BRWD1: variants seen among roughly 807,000 people sequenced by gnomAD.
BRWD1 encodes the protein bromodomain and WD repeat domain containing 1.
In BRWD1, 82 loss-of-function variants were observed where a neutral mutation model predicts 251.2. That is an observed-to-expected ratio of 0.33 (90% CI 0.27 to 0.39). BRWD1 has a LOEUF of 0.39. Ranked by LOEUF, BRWD1 falls within the 10% of genes least tolerant of loss-of-function variation. The pLI, the probability that BRWD1 is intolerant of heterozygous loss-of-function variation, is 1.00. For synonymous variants in BRWD1, 918 were observed against 902.8 expected (o/e 1.02, Z -0.30); for missense variants, 2,233 against 2,711.6 (o/e 0.82, Z 3.92).
chr21:39,305,213 C>G (rs542778127), intron 4 of BRWD1, among the ~76,000 whole-genome samples: 2 of 152,036 alleles, frequency 1.3e-5, no homozygotes, highest in Admixed American at 1.3e-4. Flanking sequence ...CCCGCCTTGG[C>G]CCCCTAAAGT....
chr21:39,276,546 T>TAGC (rs2035287298), intron 11 of BRWD1, among the ~76,000 whole-genome samples: 1 of 152,182 alleles, frequency 6.6e-6, no homozygotes, highest in Non-Finnish European at 1.5e-5. Context: ...AATATAGGCT[T>TAGC]TAAAGTAGCT....
At chr21:39,214,725 TA>T (rs1568874477) in intron 32 of BRWD1, among the ~76,000 whole-genome samples, 1 of 152,110 alleles carries the variant, frequency 6.6e-6, no homozygotes, top group Non-Finnish European at 1.5e-5. Context: ...TTCTGGAGTA[TA>T]AAATTATTTC....
At chr21:39,252,532 G>T (rs934626794) in intron 19 of BRWD1, among the ~76,000 whole-genome samples, 1 of 152,032 alleles carries the variant, frequency 6.6e-6, no homozygotes, top group African/African-American at 2.4e-5. Context: ...ATTCACCCTT[G>T]TTTCCACTAT....
intron 22 of BRWD1, among the ~76,000 whole-genome samples, chr21:39,237,505 T>G (rs565297119): frequency 4.3e-4 from 66 of 152,270 alleles, no homozygotes; most frequent in African/African-American, 1.4e-3. Context: ...AATACACAGG[T>G]AAACACATTA....
chr21:39,240,281 C>A (rs1460268436), intron 21 of BRWD1, among the ~76,000 whole-genome samples: 2 of 152,060 alleles, frequency 1.3e-5, no homozygotes, highest in African/African-American at 2.4e-5. Context: ...ATTTTTAGGG[C>A]AGTAAAATCA....
chr21:39,206,068 TA>T, intron 37 of BRWD1, 39 bp downstream of exon 37: 1 of 1,559,890 alleles, frequency 6.4e-7, no homozygotes. Context: ...TCTCCAAAAT[TA>T]AATAAATAAA....
chr21:39,313,304 G>A lies in BRWD1; in HGVS notation c.50-5C>T, dbSNP rs761305487. On this transcript the variant is annotated splice_polypyrimidine_tract_variant and splice_region_variant and intron_variant, in intron 1 of 40. Coordinates refer to ENST00000342449, the MANE Select transcript of BRWD1 (RefSeq NM_033656.4). Reference sequence around the variant, plus strand: ...GGGCGATAAGGAAGTACAGCTCTGCGGGAAGACAAGGAGTCAGGTCAAGCC... The same window carrying A: ...GGGCGATAAGGAAGTACAGCTCTGCAGGAAGACAAGGAGTCAGGTCAAGCC... The A allele has an allele frequency of 8.5e-5, 132 of 1,552,766 alleles. 1 individual carries two copies. The South Asian group carries it at 1.3e-3, about 15-fold the overall frequency.
At chr21:39,209,971 TC>T (rs765297681) in intron 36 of BRWD1, 23 bp downstream of exon 36, 1 of 1,603,222 alleles carries the variant, frequency 6.2e-7, no homozygotes, top group Admixed American at 1.7e-5. Flanking sequence ...GCAGTTTTTT[TC>T]AATAAACCAC....
intron 36 of BRWD1, among the ~76,000 whole-genome samples, chr21:39,208,970 C>T (rs1051852251): frequency 5.1e-4 from 61 of 120,540 alleles, no homozygotes; most frequent in African/African-American, 1.8e-3. Context: ...CTTAAGTTTA[C>T]AAAATGACAA....
chr21:39,246,205 CA>C, intron 21 of BRWD1, among the ~76,000 whole-genome samples: 1 of 151,952 alleles, frequency 6.6e-6, no homozygotes, highest in Non-Finnish European at 1.5e-5. Context: ...ATTCTTACAA[CA>C]ATAAAAAGAC....
chr21:39,208,427 G>A (rs1214315468), intron 36 of BRWD1, among the ~76,000 whole-genome samples: 2 of 152,210 alleles, frequency 1.3e-5, no homozygotes, highest in Non-Finnish European at 2.9e-5. Flanking sequence ...AATGCAGGAG[G>A]AGTCTAATAT....
At chr21:39,224,551 AT>A in intron 28 of BRWD1, 82 bp from the exon 29 acceptor site, 1 of 922,144 alleles carries the variant, frequency 1.1e-6, no homozygotes, top group Non-Finnish European at 1.7e-6. Flanking sequence ...AAAATACAAA[AT>A]GTGAAAATTA....
intron 8 of BRWD1, among the ~76,000 whole-genome samples, chr21:39,292,354 T>C (rs2035841070): frequency 6.6e-6 from 1 of 151,904 alleles, no homozygotes; most frequent in Non-Finnish European, 1.5e-5. Flanking sequence ...AACCGTGCAC[T>C]AGTAAGAGTA....
intron 8 of BRWD1, among the ~76,000 whole-genome samples, chr21:39,286,175 C>T (rs1356847729): frequency 6.6e-6 from 1 of 151,974 alleles, no homozygotes; most frequent in Admixed American, 6.6e-5. Flanking sequence ...CCACCATGCT[C>T]GGCTAATGTT....
Position 39,193,952 on chromosome 21 carries a change from C to T in BRWD1, c.*2307G>A. On this transcript the variant is annotated 3_prime_UTR_variant, in exon 41 of 41. Transcript: ENST00000342449. Reference sequence around the variant, plus strand: ...AAAAAACCCATAAAAATTATTTTCTCCATTATCTCTCAGTTTTATTTCATA... The same window carrying T: ...AAAAAACCCATAAAAATTATTTTCTTCATTATCTCTCAGTTTTATTTCATA... 1.0e-6 allele frequency: 1 copy of T among 985,490 alleles called. No individual in the cohort carries two copies. The highest frequency in any genetic ancestry group is 1.2e-6 in the Non-Finnish European group (1 of 829,684). 61.0% of individuals were successfully genotyped at this position (985,490 alleles called of 1,614,324 possible).
chr21:39,268,270 C>T (rs2034989571), intron 15 of BRWD1, among the ~76,000 whole-genome samples: 1 of 151,946 alleles, frequency 6.6e-6, no homozygotes, highest in African/African-American at 2.4e-5. Flanking sequence ...GAAACCCCAT[C>T]TCTACTAAAA....
intron 21 of BRWD1, among the ~76,000 whole-genome samples, chr21:39,241,622 GAC>G (rs2034006728): frequency 6.7e-6 from 1 of 150,128 alleles, no homozygotes; most frequent in East Asian, 2.0e-4. Context: ...GCATAACAAT[GAC>G]AGATATACAG....
rs1163636590 is a variant in BRWD1 at position 39,313,032 on chromosome 21, G to A, written c.138+40C>T. On this transcript the variant is annotated intron_variant, in intron 3 of 40. Coordinates refer to ENST00000342449, the MANE Select transcript of BRWD1 (RefSeq NM_033656.4). ...AGCATCCCTCAGGGCAAGGTCGGCA[G>A]GAGGAACCCGAGGGAGCGCGGGGAC... The A allele has an allele frequency of 4.5e-6, 6 of 1,332,740 alleles. No individual in the cohort carries two copies. The East Asian group carries it at 9.4e-5, about 21-fold the overall frequency. 82.6% of individuals were successfully genotyped at this position (1,332,740 alleles called of 1,614,324 possible).
chr21:39,295,628 C>G, intron 7 of BRWD1, 115 bp downstream of exon 7: 1 of 796,450 alleles, frequency 1.3e-6, no homozygotes, highest in East Asian at 2.8e-5. Context: ...CACACCATAC[C>G]TACTGAGTCA....
Sources: gnomAD v4.1 joint callset for allele counts (sites outside exome capture counted in the v4.1 genomes callset) on GRCh38, gnomAD v4.1.1 for gene constraint, MANE v1.5 for transcripts, NCBI Gene and HGNC (gene_info 2026-07-23, HGNC 2026-07-21) for gene names.